Variants in DPYSL5 observed in about 807,000 individuals in gnomAD.
DPYSL5 encodes dihydropyrimidinase-related protein 5.
A neutral mutation model predicts 58.4 loss-of-function variants in DPYSL5; 9 were observed. That is an observed-to-expected ratio of 0.15 (90% CI 0.09 to 0.27). The LOEUF (loss-of-function observed/expected upper bound fraction) is 0.27, where lower values mean the gene tolerates loss of function less well. Among genes scored for constraint, DPYSL5 ranks in the 10% least tolerant of loss-of-function variants. DPYSL5 has a pLI of 1.00. For synonymous variants in DPYSL5, 293 were observed against 301.9 expected (o/e 0.97, Z 0.31); for missense variants, 499 against 770.6 (o/e 0.65, Z 4.17).
rs1332583601 is a variant in DPYSL5 at position 26,928,300 on chromosome 2, A to G, written c.646A>G (p.Ile216Val). ...TTTGGGGATCACAGGCCCAGAAGGA[A>G]TCGAGATCAGCCGTCCAGAGGAGGT... is the stretch of plus-strand genomic sequence containing the variant. ...LDLGITGPEG[I>V]EISRPEELEA... Residue 216 changes from isoleucine (I) to valine (V), a missense_variant, in exon 5 of 13, where the codon ATC (isoleucine) becomes GTC (valine). Ile to Val is a conservative substitution (Grantham distance 29). Around this residue, in one of 3 missense-constraint regions of DPYSL5, gnomAD observed 404 missense variants for 647.6 expected, o/e 0.62. Coordinates refer to ENST00000288699, the MANE Select transcript of DPYSL5 (RefSeq NM_020134.4). 3.1e-6 allele frequency: 5 copies of G among 1,613,896 alleles called. No individual in the cohort carries two copies. Among genetic ancestry groups the G allele is most frequent in the East Asian group, 4.5e-5 (2 of 44,848 alleles).
chr2:26,912,410 A>G (rs1664464149), intron 2 of DPYSL5, among the ~76,000 whole-genome samples: 1 of 152,214 alleles, frequency 6.6e-6, no homozygotes, highest in African/African-American at 2.4e-5. Flanking sequence ...GGATGGAGAA[A>G]GCGGAGTTAC....
In DPYSL5 at chr2:26,877,531, G is replaced by A. The variant is rs928593909; in HGVS notation, c.-4-20965G>A. 4.6e-5 allele frequency among the ~76,000 whole-genome samples: 7 copies of A among 152,164 alleles called. No homozygotes were observed. In the East Asian group the frequency reaches 1.3e-3, roughly 29 times the overall value. On this transcript the variant is annotated intron_variant, in intron 1 of 12. Transcript: ENST00000288699. The surrounding 1 kb of genome is among the most constrained non-coding windows in gnomAD (Gnocchi z 4.1). ...ATCATGTCAACCCTTGGAGCAGCTA[G>A]TGTTTAATCATCTCCTGCTAGCGCC...
At chr2:26,939,682 T>C (rs975721334) in intron 8 of DPYSL5, 8 of 208,872 alleles carry the variant, frequency 3.8e-5, no homozygotes, top group African/African-American at 1.4e-4. Flanking sequence ...TGAGAGGGAA[T>C]TGGTATACAA....
At chr2:26,888,789 C>G (rs1026186378) in intron 1 of DPYSL5, among the ~76,000 whole-genome samples, 54 of 152,086 alleles carry the variant, frequency 3.6e-4, no homozygotes, top group African/African-American at 1.3e-3. Context: ...TTACATTGCT[C>G]ATTTCTGTCT....
At chr2:26,892,606 G>C (rs563757585) in intron 1 of DPYSL5, among the ~76,000 whole-genome samples, 1 of 152,028 alleles carries the variant, frequency 6.6e-6, no homozygotes, top group Non-Finnish European at 1.5e-5. Context: ...AGAGGCTGAA[G>C]CTGGAGGATT....
intron 2 of DPYSL5, among the ~76,000 whole-genome samples, chr2:26,914,200 A>G (rs1664508330): frequency 6.6e-6 from 1 of 151,760 alleles, no homozygotes; most frequent in Admixed American, 6.6e-5. Context: ...GAAGATGACC[A>G]TGTCTGTTTC....
At chr2:26,860,277 T>G (rs1210889574) in intron 1 of DPYSL5, among the ~76,000 whole-genome samples, 1 of 152,146 alleles carries the variant, frequency 6.6e-6, no homozygotes, top group South Asian at 2.1e-4. Flanking sequence ...CTGGACAATA[T>G]GACAATTGGA....
At chr2:26,902,379 G>C (rs1664180331) in intron 2 of DPYSL5, among the ~76,000 whole-genome samples, 1 of 152,036 alleles carries the variant, frequency 6.6e-6, no homozygotes, top group South Asian at 2.1e-4. Flanking sequence ...CCAGGGCCAG[G>C]TGAAAATATC....
At chr2:26,881,848 T>C in intron 1 of DPYSL5, among the ~76,000 whole-genome samples, 1 of 151,832 alleles carries the variant, frequency 6.6e-6, no homozygotes. Flanking sequence ...TCCCAGCACT[T>C]TGGGAGGCCG....
chr2:26,861,069 C>T (rs900242108), intron 1 of DPYSL5, among the ~76,000 whole-genome samples: 1 of 152,136 alleles, frequency 6.6e-6, no homozygotes, highest in East Asian at 1.9e-4. Flanking sequence ...AGTTCTTGGG[C>T]CCATGTGGAT....
At chr2:26,896,826 G>GT (rs1187361079) in intron 1 of DPYSL5, among the ~76,000 whole-genome samples, 2 of 152,138 alleles carry the variant, frequency 1.3e-5, no homozygotes, top group African/African-American at 4.8e-5. Flanking sequence ...CATTTTGTAG[G>GT]TTTTCTCTTC....
chr2:26,923,273 G>T (rs1336313129), intron 2 of DPYSL5, among the ~76,000 whole-genome samples: 1 of 152,192 alleles, frequency 6.6e-6, no homozygotes, highest in Non-Finnish European at 1.5e-5. Flanking sequence ...TGAGGCTGCA[G>T]TGTGCTATGA....
In DPYSL5 at chr2:26,927,394, G is replaced by A. The variant is rs1444282863; in HGVS notation, c.562G>A (p.Ala188Thr). 16 of 1,614,046 alleles carry A rather than the reference G, an allele frequency of 9.9e-6. No individual in the cohort carries two copies. The highest frequency in any genetic ancestry group is 4.5e-5 in the East Asian group (2 of 44,904). The change falls in exon 4 of 13, where the codon GCC becomes ACC. Residue 188 changes from alanine (A) to threonine (T), a missense_variant. Ala to Thr is a moderately conservative substitution (Grantham distance 58). This residue lies in a region of DPYSL5 where 404 missense variants were observed against 647.6 expected (regional missense o/e 0.62). Coordinates refer to ENST00000288699, the MANE Select transcript of DPYSL5 (RefSeq NM_020134.4). This position sits in a 1 kb window ranked among gnomAD's most constrained non-coding sequence, Gnocchi z 4.3. ...LHACKDIGAI[A>T]RVHAENGELV... ...CGCTTGCAAGGACATTGGGGCAATCGCCCGCGTCCATGCTGAAAATGGGGA... is the reference window on the plus strand; with the variant it reads ...CGCTTGCAAGGACATTGGGGCAATCACCCGCGTCCATGCTGAAAATGGGGA...
At chr2:26,932,115 AAAAG>A (rs1665019209) in intron 6 of DPYSL5, among the ~76,000 whole-genome samples, 1 of 141,946 alleles carries the variant, frequency 7.0e-6, no homozygotes, top group East Asian at 2.1e-4. Flanking sequence ...AAGAAAAGAA[AAAAG>A]AAAGAGAAAG....
intron 2 of DPYSL5, among the ~76,000 whole-genome samples, chr2:26,907,832 A>T (rs1312825719): frequency 6.6e-6 from 1 of 152,150 alleles, no homozygotes; most frequent in African/African-American, 2.4e-5. Context: ...TTGTTTCTCA[A>T]CAAGATTGAA....
At chr2:26,907,639 C>T (rs1664329127) in intron 2 of DPYSL5, among the ~76,000 whole-genome samples, 1 of 152,146 alleles carries the variant, frequency 6.6e-6, no homozygotes, top group Non-Finnish European at 1.5e-5. Context: ...AGATGCCCTC[C>T]ATGGACACCC....
chr2:26,860,712 AG>A (rs1470367353), intron 1 of DPYSL5, among the ~76,000 whole-genome samples: 1 of 152,228 alleles, frequency 6.6e-6, no homozygotes, highest in Non-Finnish European at 1.5e-5. Flanking sequence ...AGAATAAGGC[AG>A]GTATTTCTGT....
chr2:26,937,451 G>A (rs1416426849), intron 8 of DPYSL5, among the ~76,000 whole-genome samples: 1 of 151,848 alleles, frequency 6.6e-6, no homozygotes, highest in Non-Finnish European at 1.5e-5. Flanking sequence ...CACATTATTG[G>A]TTATAATTTA....
At chr2:26,875,063 G>A (rs1162682542) in intron 1 of DPYSL5, among the ~76,000 whole-genome samples, 1 of 152,116 alleles carries the variant, frequency 6.6e-6, no homozygotes, top group Non-Finnish European at 1.5e-5. Context: ...AATTCATCCT[G>A]TTTTCTAATC....
Sources: allele counts gnomAD v4.1 joint callset (sites outside exome capture counted in the v4.1 genomes callset), GRCh38; gene constraint gnomAD v4.1.1; regional missense constraint gnomAD v4.1.1; non-coding constraint Gnocchi (gnomAD v3.1); transcripts MANE v1.5; gene names NCBI Gene and HGNC (gene_info 2026-07-23, HGNC 2026-07-21).